The following ZBED3 variants were observed in gnomAD, a reference collection of about 807,000 sequenced individuals.
ZBED3 encodes the protein zinc finger BED-type containing 3, also known as zinc finger BED domain-containing protein 3.
For missense variants in ZBED3, 388 were observed against 362.9 expected, an observed-to-expected ratio of 1.07 and a Z score of -0.56; for synonymous variants, 175 against 180.0, an observed-to-expected ratio of 0.97 and a Z score of 0.22.
chr5:77,079,560 T>C (rs988022434), intron 1 of ZBED3, among the ~76,000 whole-genome samples: 2 of 152,158 alleles, frequency 1.3e-5, no homozygotes, highest in African/African-American at 2.4e-5. Context: ...ATTTAACATA[T>C]CATTTTTTTA....
chr5:77,078,045 A>G, intron 2 of ZBED3, 150 bp from the exon 3 acceptor site: 1 of 526,132 alleles, frequency 1.9e-6, no homozygotes, highest in East Asian at 3.6e-5. Flanking sequence ...CTTTCTAATT[A>G]ATCTTCAGTA....
chr5:77,078,007 CTA>C, intron 2 of ZBED3, 112 bp from the exon 3 acceptor site: 1 of 736,794 alleles, frequency 1.4e-6, no homozygotes, highest in Non-Finnish European at 1.9e-6. Context: ...GATGAAAAGC[CTA>C]TAGTGTGTGT....
chr5:77,072,205 C>G lies in ZBED3; in HGVS notation c.*4969G>C, dbSNP rs1742900250. On this transcript the variant is annotated 3_prime_UTR_variant, in exon 3 of 3. Transcript: ENST00000255198. ...ACTCCCAGTGCTACCTGAATTCATT[C>G]ACATCATAAACCAACTAAAATGGGC... 1.3e-5 allele frequency: 2 copies of G among 152,034 alleles called. No individual in the cohort carries two copies. The highest frequency in any genetic ancestry group is 4.8e-5 in the African/African-American group (2 of 41,296). 9.4% of individuals were successfully genotyped at this position (152,034 alleles called of 1,614,324 possible).
chr5:77,081,338 CTTT>C (rs5868851), intron 1 of ZBED3, among the ~76,000 whole-genome samples: 1,498 of 143,332 alleles, frequency 0.01, 22 homozygotes, highest in African/African-American at 0.034. Flanking sequence ...TTCTTTCTTT[CTTT>C]TTTTTTTTTT....
Position 77,076,743 on chromosome 5 carries a change from CT to C in ZBED3, c.*430del, listed in dbSNP as rs1231735985. Reference sequence around the variant, plus strand: ...TTTCTCATTTCCACGCACCCTCCACCTTGGGCTGCTGGGTGTATAGGCACAT... The same window carrying C: ...TTTCTCATTTCCACGCACCCTCCACCTGGGCTGCTGGGTGTATAGGCACAT... On this transcript the variant is annotated 3_prime_UTR_variant, in exon 3 of 3. Coordinates refer to ENST00000255198, the MANE Select transcript of ZBED3 (RefSeq NM_032367.4). The C allele has an allele frequency of 1.3e-5, 2 of 154,422 alleles. No homozygotes were observed. The highest frequency in any genetic ancestry group is 4.9e-5 in the African/African-American group (2 of 41,158). 9.6% of individuals were successfully genotyped at this position (154,422 alleles called of 1,614,324 possible).
chr5:77,074,204 A>G lies in ZBED3; in HGVS notation c.*2970T>C, dbSNP rs1004808650. The stretch of plus-strand genomic sequence containing the variant: ...GGGGGACTTGAATGTCAGGTGACAG[A>G]GTCAAAGCTTGCACTCAAGTAGGTG... On this transcript the variant is annotated 3_prime_UTR_variant, in exon 3 of 3. Coordinates refer to ENST00000255198, the MANE Select transcript of ZBED3 (RefSeq NM_032367.4). 6.6e-6 allele frequency: 1 copy of G among 152,306 alleles called. No individual in the cohort carries two copies. The highest frequency in any genetic ancestry group is 2.4e-5 in the African/African-American group (1 of 41,440). 9.4% of individuals were successfully genotyped at this position (152,306 alleles called of 1,614,324 possible).
At chr5:77,082,369 T>C (rs1226884277) in intron 1 of ZBED3, among the ~76,000 whole-genome samples, 1 of 151,950 alleles carries the variant, frequency 6.6e-6, no homozygotes, top group Non-Finnish European at 1.5e-5. Context: ...GATGTTCACG[T>C]AGAATGACAT....
chr5:77,079,754 G>A (rs1221909417), intron 1 of ZBED3, among the ~76,000 whole-genome samples: 1 of 152,190 alleles, frequency 6.6e-6, no homozygotes, highest in African/African-American at 2.4e-5. Flanking sequence ...CCCAAGAGAT[G>A]TATTACATTG....
rs1190097266 is a variant in ZBED3 at position 77,077,475 on chromosome 5, T to C, written c.404A>G (p.Gln135Arg). ...GCCGCGCACGGCCAGCGCGCCCATC[T>C]GTTCCAGCAGGCGCGCCCAGTCGCC... ...PEGDWARLLE[Q>R]MGALAVRGSR... Residue 135 changes from glutamine to arginine, a missense_variant, in exon 3 of 3, where the codon CAG (glutamine) becomes CGG (arginine). Gln to Arg is a conservative substitution (Grantham distance 43, BLOSUM62 1). Coordinates refer to ENST00000255198, the MANE Select transcript of ZBED3 (RefSeq NM_032367.4). 4.4e-5 allele frequency: 52 copies of C among 1,190,258 alleles called. No homozygotes were observed. Among genetic ancestry groups the C allele is most frequent in the Non-Finnish European group, 5.2e-5 (50 of 964,264 alleles). 73.7% of individuals were successfully genotyped at this position (1,190,258 alleles called of 1,614,324 possible).
rs145487184 is a variant in ZBED3, at chr5:77,084,633, G to A, written c.-153+2478C>T. On this transcript the variant is annotated intron_variant, in intron 1 of 2. Transcript: ENST00000255198. ...AGGTGAAATCAGTGCTCACTCCTTC[G>A]GGTGAATTCCGTCACATAATCTCCA... is the stretch of plus-strand genomic sequence containing the variant. Among the ~76,000 whole-genome samples the A allele has an allele frequency of 7.9e-3, 1,204 of 152,250 alleles. 13 individuals are homozygous for A. The highest frequency in any genetic ancestry group is 0.028 in the African/African-American group (1,143 of 41,546).
rs751166143 is a variant in ZBED3 at position 77,081,344 on chromosome 5, T to C, written c.-152-2616A>G. ...CCATTTCTTTTCTTTCTTTCTTTTTTTTTTTTTTTTAATTTTTTTTAAGAC... is the reference window on the plus strand; with the variant it reads ...CCATTTCTTTTCTTTCTTTCTTTTTCTTTTTTTTTTAATTTTTTTTAAGAC... On this transcript the variant is annotated intron_variant, in intron 1 of 2. Coordinates refer to ENST00000255198, the MANE Select transcript of ZBED3 (RefSeq NM_032367.4). Among the ~76,000 whole-genome samples the C allele has an allele frequency of 5.8e-3, 879 of 151,818 alleles. 3 individuals are homozygous for C. Among genetic ancestry groups the C allele is most frequent in the Non-Finnish European group, 9.8e-3 (666 of 67,916 alleles).
chr5:77,083,875 G>A (rs963032158), intron 1 of ZBED3, among the ~76,000 whole-genome samples: 1 of 152,184 alleles, frequency 6.6e-6, no homozygotes, highest in African/African-American at 2.4e-5. Flanking sequence ...AAGATAATGG[G>A]GAGGTTTAAT....
intron 1 of ZBED3, among the ~76,000 whole-genome samples, chr5:77,081,567 C>G (rs998416816): frequency 6.6e-6 from 1 of 151,894 alleles, no homozygotes; most frequent in Non-Finnish European, 1.5e-5. Flanking sequence ...GCTGGTCTTC[C>G]TTGAACACCT....
rs1742949882 is a variant in ZBED3, at chr5:77,075,069, A to C, written c.*2105T>G. 6.6e-6 allele frequency: 1 copy of C among 152,204 alleles called. No individual in the cohort carries two copies. The allele number at this position is 152,204 out of a possible 1,614,324, so 9.4% of individuals were successfully genotyped here. On this transcript the variant is annotated 3_prime_UTR_variant, in exon 3 of 3. Transcript: ENST00000255198. ...TGTGCAAGGAGGGGTGGAGACATGC[A>C]GCAAGGGATTGGGCATGAAGGTTTT...
chr5:77,081,451 G>A (rs1292634600), intron 1 of ZBED3, among the ~76,000 whole-genome samples: 1 of 151,464 alleles, frequency 6.6e-6, no homozygotes, highest in Non-Finnish European at 1.5e-5. Flanking sequence ...GGCTCAAGAA[G>A]TGATCCTCCC....
In ZBED3 at chr5:77,077,018, G is replaced by T; in HGVS notation, c.*156C>A. The T allele has an allele frequency of 2.0e-6, 1 of 510,434 alleles. No homozygotes were observed. Among genetic ancestry groups the T allele is most frequent in the Non-Finnish European group, 3.1e-6 (1 of 325,386 alleles). 31.6% of individuals were successfully genotyped at this position (510,434 alleles called of 1,614,324 possible). ...GCTTCGAAGTGCTTCTCAAGCTGAAGCCTTAGGGTGTGGAAGATCCTACAG... is the reference window on the plus strand; with the variant it reads ...GCTTCGAAGTGCTTCTCAAGCTGAATCCTTAGGGTGTGGAAGATCCTACAG... On this transcript the variant is annotated 3_prime_UTR_variant, in exon 3 of 3. Transcript: ENST00000255198.
rs1168581497 is a variant in ZBED3 at position 77,073,910 on chromosome 5, G to T, written c.*3264C>A. On this transcript the variant is annotated 3_prime_UTR_variant, in exon 3 of 3. Transcript: ENST00000255198. ...AAAACCCACAGCCATACACTAGCTG[G>T]CCTGTCCTGAGGGTTGTGAGGCACA... is the stretch of plus-strand genomic sequence containing the variant. The T allele has an allele frequency of 6.6e-6, 1 of 152,218 alleles. No individual in the cohort carries two copies. The highest frequency in any genetic ancestry group is 6.5e-5 in the Admixed American group (1 of 15,278). The allele number at this position is 152,218 out of a possible 1,614,324, so 9.4% of individuals were successfully genotyped here. A position where few individuals can be genotyped will look rare whatever the true frequency, so the allele number is the denominator to read the frequency against.
chr5:77,085,340 G>T (rs1743215913), intron 1 of ZBED3, among the ~76,000 whole-genome samples: 1 of 152,208 alleles, frequency 6.6e-6, no homozygotes, highest in South Asian at 2.1e-4. Context: ...TACAAAAGTT[G>T]ATTGTATTAT....
intron 2 of ZBED3, among the ~76,000 whole-genome samples, chr5:77,078,288 C>A (rs1743067269): frequency 6.6e-6 from 1 of 152,192 alleles, no homozygotes; most frequent in African/African-American, 2.4e-5. Context: ...GTACTGTCTT[C>A]AGAATAACAG....
Sources: gnomAD v4.1 joint callset for allele counts (sites outside exome capture counted in the v4.1 genomes callset) on GRCh38, gnomAD v4.1.1 for gene constraint, MANE v1.5 for transcripts, NCBI Gene and HGNC (gene_info 2026-07-23, HGNC 2026-07-21) for gene names.